MPHOSPH8: variants seen among roughly 807,000 people sequenced by gnomAD.
The protein encoded by MPHOSPH8 is M-phase phosphoprotein 8.
A neutral mutation model predicts 87.3 loss-of-function variants in MPHOSPH8; 45 were observed. The ratio of observed to expected loss-of-function variants is 0.52; its 90% CI spans 0.41 to 0.66. The LOEUF (loss-of-function observed/expected upper bound fraction) is 0.66. Ranked by LOEUF, MPHOSPH8 falls within the 30% of genes least tolerant of loss-of-function variation. The pLI, the probability that MPHOSPH8 is intolerant of heterozygous loss-of-function variation, is 0.00. For missense variants in MPHOSPH8, 883 were observed against 1,020.2 expected, an observed-to-expected ratio of 0.87 and a Z score of 1.83; for synonymous variants, 366 against 376.9, an observed-to-expected ratio of 0.97 and a Z score of 0.33.
intron 1 of MPHOSPH8, among the ~76,000 whole-genome samples, chr13:19,640,387 T>TA (rs1368828956): frequency 1.3e-4 from 20 of 152,306 alleles, no homozygotes; most frequent in African/African-American, 4.8e-4. Context: ...GAACAATTCT[T>TA]AGATCACAAG....
chr13:19,646,801 GAGA>G lies in MPHOSPH8; in HGVS notation c.732_734del (p.Glu244del). The stretch of plus-strand genomic sequence containing the variant: ...ATAAGAGATTTAAAGACGAAAACAA[GAGA>G]AGATCCCAAAGAAAATAGAAAAACA... On this transcript the variant is annotated inframe_deletion, in exon 3 of 14. Transcript: ENST00000361479. 1 of 1,585,520 alleles carries G rather than the reference GAGA, an allele frequency of 6.3e-7. No individual in the cohort carries two copies. The highest frequency in any genetic ancestry group is 8.5e-7 in the Non-Finnish European group (1 of 1,170,312).
chr13:19,662,785 AG>A (rs1339774194), intron 8 of MPHOSPH8, among the ~76,000 whole-genome samples: 2 of 152,126 alleles, frequency 1.3e-5, no homozygotes, highest in African/African-American at 4.8e-5. Flanking sequence ...ATCTTTTTAA[AG>A]GATTTATATG....
chr13:19,660,356 T>C (rs1487862964), intron 7 of MPHOSPH8, among the ~76,000 whole-genome samples: 1 of 152,180 alleles, frequency 6.6e-6, no homozygotes, highest in Non-Finnish European at 1.5e-5. Context: ...TGAAGATTTT[T>C]AGTTTTAGGC....
rs1463066540 is a variant in MPHOSPH8, at chr13:19,642,252, A to G, written c.351A>G (p.Ala117=). The stretch of plus-strand genomic sequence containing the variant: ...AAATTGCAGAGAACAAAGCCAAAGC[A>G]GTCAGGAAGGATATTCAGGTACTAT... ...RKKIAENKAK[A]VRKDIQRLSL... Residue 117 remains alanine, a synonymous_variant, in exon 2 of 14, where the codon GCA becomes GCG. Transcript: ENST00000361479. The G allele has an allele frequency of 4.4e-6, 7 of 1,598,858 alleles. No individual in the cohort carries two copies. The Admixed American group carries it at 9.0e-5, about 21-fold the overall frequency.
chr13:19,662,717 A>G (rs1312381365), intron 8 of MPHOSPH8, among the ~76,000 whole-genome samples: 1 of 152,248 alleles, frequency 6.6e-6, no homozygotes, highest in Non-Finnish European at 1.5e-5. Context: ...ATTTTTTTGA[A>G]TAAATGGTAT....
chr13:19,633,676 A>G lies in MPHOSPH8; in HGVS notation c.-73A>G. ...ACGCCGCTGATGTGGAGTAGGGCCG[A>G]GCGCGGAACGCGAGGGGCTGCTGGG... On this transcript the variant is annotated 5_prime_UTR_variant, in exon 1 of 14. Coordinates refer to ENST00000361479, the MANE Select transcript of MPHOSPH8 (RefSeq NM_017520.4). 1 of 1,507,254 alleles carries G rather than the reference A, an allele frequency of 6.6e-7. No homozygotes were observed. The highest frequency in any genetic ancestry group is 9.0e-7 in the Non-Finnish European group (1 of 1,108,734). 93.4% of individuals were successfully genotyped at this position (1,507,254 alleles called of 1,614,324 possible).
chr13:19,638,508 G>A (rs923030465), intron 1 of MPHOSPH8, among the ~76,000 whole-genome samples: 42 of 151,660 alleles, frequency 2.8e-4, no homozygotes, highest in African/African-American at 9.7e-4. Context: ...AGCTACTCGG[G>A]AGGCTGAGGC....
rs945638826 is a variant in MPHOSPH8 at position 19,634,576 on chromosome 13, C to G, written c.213+615C>G. Among the ~76,000 whole-genome samples the G allele has an allele frequency of 2.0e-5, 3 of 152,324 alleles. No individual in the cohort carries two copies. In the South Asian group the frequency reaches 6.2e-4, roughly 32 times the overall value. On this transcript the variant is annotated intron_variant, in intron 1 of 13. Coordinates refer to ENST00000361479, the MANE Select transcript of MPHOSPH8 (RefSeq NM_017520.4). ...GGCCTGGACAGTTCTCTGCCCTCTT[C>G]TTCTGGTGAAATCTTACTCAAATGC...
chr13:19,652,438 A>G (rs943160585), intron 5 of MPHOSPH8, among the ~76,000 whole-genome samples: 1 of 152,112 alleles, frequency 6.6e-6, no homozygotes, highest in African/African-American at 2.4e-5. Context: ...CAACTCACAG[A>G]CCAGGAGATT....
At chr13:19,635,750 T>C (rs897940532) in intron 1 of MPHOSPH8, among the ~76,000 whole-genome samples, 1 of 152,176 alleles carries the variant, frequency 6.6e-6, no homozygotes, top group Non-Finnish European at 1.5e-5. Flanking sequence ...TTAGGTGCTC[T>C]TGTGAAGGAG....
intron 5 of MPHOSPH8, among the ~76,000 whole-genome samples, chr13:19,652,931 C>G (rs777720821): frequency 6.6e-6 from 1 of 152,174 alleles, no homozygotes; most frequent in Non-Finnish European, 1.5e-5. Context: ...CAGCCACAGT[C>G]AGGGTCTTGT....
chr13:19,641,363 C>A (rs1482046465), intron 1 of MPHOSPH8, among the ~76,000 whole-genome samples: 1 of 151,102 alleles, frequency 6.6e-6, no homozygotes, highest in South Asian at 2.1e-4. Context: ...CGCTCTTTTG[C>A]CCAGGCAGGA....
In MPHOSPH8 at chr13:19,659,051, T is replaced by A; in HGVS notation, c.1633T>A (p.Leu545Met). 3.1e-6 allele frequency: 5 copies of A among 1,614,150 alleles called. No homozygotes were observed. Among genetic ancestry groups the A allele is most frequent in the Non-Finnish European group, 4.2e-6 (5 of 1,180,010 alleles). Residue 545 changes from leucine (L) to methionine (M), a missense_variant, in exon 6 of 14, where the codon TTG becomes ATG. Physicochemically the swap from Leu to Met is conservative, Grantham distance 15 (BLOSUM62 2). Transcript: ENST00000361479. ...GMDLQLEWMK[L>M]EDFQKHLDGK... is the part of the protein sequence containing the mutation. ...GGACCTGCAGTTGGAATGGATGAAG[T>A]TGGAAGATTTCCAAAAGCACCTTGA...
rs10531847 is a variant in MPHOSPH8, at chr13:19,673,098, GTT to G, written c.*1234_*1235del. On this transcript the variant is annotated 3_prime_UTR_variant, in exon 14 of 14. Coordinates refer to ENST00000361479, the MANE Select transcript of MPHOSPH8 (RefSeq NM_017520.4). ...CTTGGAACCTATACGGTTTTTTTTT[GTT>G]TTTTTTTTTTGAAAAGCCAGACCTT... The G allele has an allele frequency of 0.67, 274,709 of 407,534 alleles. 87,829 individuals are homozygous for G. The highest frequency in any genetic ancestry group is 0.78 in the East Asian group (10,075 of 12,842). 25.2% of individuals were successfully genotyped at this position (407,534 alleles called of 1,614,324 possible).
intron 1 of MPHOSPH8, among the ~76,000 whole-genome samples, chr13:19,640,038 G>A (rs377402928): frequency 7.9e-5 from 12 of 152,104 alleles, no homozygotes; most frequent in East Asian, 3.9e-4. Context: ...CCCGGGAGGC[G>A]GAGGTTGCAG....
At position 19,661,802 on chromosome 13, in the gene MPHOSPH8, G is replaced by T. The variant is rs1254607012; in HGVS notation, c.1896G>T (p.Lys632Asn). The T allele has an allele frequency of 6.2e-7, 1 of 1,613,302 alleles. No homozygotes were observed. Among genetic ancestry groups the T allele is most frequent in the Non-Finnish European group, 8.5e-7 (1 of 1,179,620 alleles). The change falls in exon 8 of 14, where the codon AAG becomes AAT. Residue 632 changes from lysine to asparagine, a missense_variant. This residue lies in a region of MPHOSPH8 where 741 missense variants were observed against 841.5 expected (regional missense o/e 0.88). Coordinates refer to ENST00000361479, the MANE Select transcript of MPHOSPH8 (RefSeq NM_017520.4). ...TKGAKVNGRQ[K>N]NGTTALIHAA... ...GCGCGAAAGTGAACGGTCGGCAGAAGAACGGGACCACCGCCCTCATTCATG... is the reference window on the plus strand; with the variant it reads ...GCGCGAAAGTGAACGGTCGGCAGAATAACGGGACCACCGCCCTCATTCATG...
chr13:19,671,351 C>A, intron 13 of MPHOSPH8, 62 bp downstream of exon 13: 1 of 1,464,578 alleles, frequency 6.8e-7, no homozygotes, highest in South Asian at 1.2e-5. Context: ...ATTACTTTAT[C>A]AACATTAGAA....
rs1874336554 is a variant in MPHOSPH8 at position 19,642,288 on chromosome 13, A to G, written c.369+18A>G. 21 of 1,550,328 alleles carry G rather than the reference A, an allele frequency of 1.4e-5. No individual in the cohort carries two copies. Among genetic ancestry groups the G allele is most frequent in the Non-Finnish European group, 1.8e-5 (21 of 1,154,686 alleles). On this transcript the variant is annotated intron_variant, in intron 2 of 13. Transcript: ENST00000361479. ...ATATTCAGGTACTATGTTTTGTCTCATATTTGTTTTTACATACATAAATTT... is the reference window on the plus strand; with the variant it reads ...ATATTCAGGTACTATGTTTTGTCTCGTATTTGTTTTTACATACATAAATTT...
In MPHOSPH8 at chr13:19,647,129, T is replaced by A; in HGVS notation, c.1056T>A (p.Ala352=). Residue 352 remains alanine, a synonymous_variant, in exon 3 of 14, where the codon GCT becomes GCA. Coordinates refer to ENST00000361479, the MANE Select transcript of MPHOSPH8 (RefSeq NM_017520.4). ...RENRKLENKN[A]FLEKKTVPKK... ...ACAGGAAGCTAGAGAACAAGAACGCTTTCTTAGAGAAGAAAACTGTGCCTA... is the reference window on the plus strand; with the variant it reads ...ACAGGAAGCTAGAGAACAAGAACGCATTCTTAGAGAAGAAAACTGTGCCTA... 1.2e-6 allele frequency: 2 copies of A among 1,613,638 alleles called. No individual in the cohort carries two copies.
Sources: gnomAD v4.1 joint callset for allele counts (sites outside exome capture counted in the v4.1 genomes callset) on GRCh38, gnomAD v4.1.1 for gene constraint, gnomAD v4.1.1 regional missense constraint, MANE v1.5 for transcripts, NCBI Gene and HGNC (gene_info 2026-07-23, HGNC 2026-07-21) for gene names.